DOCK3: variants seen among roughly 807,000 people sequenced by gnomAD.
DOCK3 encodes the protein dedicator of cytokinesis 3, also known as dedicator of cytokinesis protein 3.
Under a neutral mutation model 265.6 loss-of-function variants are expected in DOCK3, and 60 were observed. That is an observed-to-expected ratio of 0.23 (90% CI 0.18 to 0.28). DOCK3 has a LOEUF of 0.28. Among genes scored for constraint, DOCK3 ranks in the 10% least tolerant of loss-of-function variants. DOCK3 has a pLI of 1.00. For missense variants in DOCK3, 1,981 were observed against 2,594.3 expected (o/e 0.76, Z 5.14); for synonymous variants, 881 against 938.0 (o/e 0.94, Z 1.11).
chr3:50,910,384 C>G (rs938169041), intron 4 of DOCK3, among the ~76,000 whole-genome samples: 3 of 152,148 alleles, frequency 2.0e-5, no homozygotes, highest in African/African-American at 7.2e-5. Context: ...ACTGGTGACA[C>G]AATCATTCCT....
At chr3:50,800,001 T>C (rs2042991614) in intron 2 of DOCK3, among the ~76,000 whole-genome samples, 1 of 152,238 alleles carries the variant, frequency 6.6e-6, no homozygotes, top group Admixed American at 6.5e-5. Flanking sequence ...ATGATGTTTG[T>C]TTATTTGCAT....
chr3:51,296,719 G>A (rs554238229), intron 27 of DOCK3, among the ~76,000 whole-genome samples: 66 of 152,008 alleles, frequency 4.3e-4, no homozygotes, highest in Admixed American at 3.4e-3. Flanking sequence ...CTTGTGATCC[G>A]CCCGCCTTGG....
intron 51 of DOCK3, chr3:51,379,365 A>G (rs192576182): frequency 1.2e-5 from 12 of 983,554 alleles, no homozygotes; most frequent in East Asian, 1.1e-4. Flanking sequence ...CGTGGTGCAC[A>G]CTGGAGAAGC....
chr3:51,338,813 G>A, intron 36 of DOCK3, 122 bp from the exon 37 acceptor site: 1 of 783,690 alleles, frequency 1.3e-6, no homozygotes, highest in Non-Finnish European at 2.1e-6. Context: ...TTCTGGTGCT[G>A]TCTGCCTCCA....
In DOCK3 at chr3:51,225,649, G is replaced by C; in HGVS notation, c.1253G>C (p.Gly418Ala). The C allele has an allele frequency of 6.2e-7, 1 of 1,610,296 alleles. No homozygotes were observed. Among genetic ancestry groups the C allele is most frequent in the Non-Finnish European group, 8.5e-7 (1 of 1,178,350 alleles). Residue 418 changes from glycine (G) to alanine (A), a missense_variant and splice_region_variant, in exon 15 of 53, where the codon GGT becomes GCT. Gly to Ala is a moderately conservative substitution (Grantham distance 60, BLOSUM62 0). Around this residue, in one of 4 missense-constraint regions of DOCK3, gnomAD observed 456 missense variants for 539.0 expected, o/e 0.85. Transcript: ENST00000266037. ...KLGFPDVIMP[G>A]DIRNDLYLTL... ...GGATGTGGCATTTCTTTCCCCGCAG[G>C]TGATATCCGCAATGACCTGTACCTA...
intron 5 of DOCK3, among the ~76,000 whole-genome samples, chr3:51,040,606 T>C (rs2080444214): frequency 6.6e-6 from 1 of 152,134 alleles, no homozygotes; most frequent in Non-Finnish European, 1.5e-5. Context: ...AATTGACTGT[T>C]CCTTTCATGA....
At chr3:50,732,106 G>A (rs1012545367) in intron 1 of DOCK3, among the ~76,000 whole-genome samples, 1 of 151,274 alleles carries the variant, frequency 6.6e-6, no homozygotes, top group African/African-American at 2.4e-5. Context: ...CATGGATGAA[G>A]CTGGAAGCCA....
intron 2 of DOCK3, 52 bp downstream of exon 2, chr3:50,778,810 A>G: frequency 2.4e-6 from 3 of 1,267,982 alleles, no homozygotes; most frequent in Non-Finnish European, 3.3e-6. Context: ...TGGCAGTATT[A>G]TATACATTTA....
chr3:50,871,286 T>G (rs1174437989), intron 3 of DOCK3, among the ~76,000 whole-genome samples: 1 of 152,036 alleles, frequency 6.6e-6, no homozygotes, highest in East Asian at 1.9e-4. Context: ...GATACATTAT[T>G]CTTGGGTAAA....
intron 5 of DOCK3, among the ~76,000 whole-genome samples, chr3:50,983,751 G>T (rs889729733): frequency 1.3e-5 from 2 of 152,100 alleles, no homozygotes; most frequent in Non-Finnish European, 2.9e-5. Context: ...CCCAGGACCC[G>T]CCAAACTGGT....
chr3:51,183,454 G>A (rs2087415756), intron 12 of DOCK3, among the ~76,000 whole-genome samples: 2 of 152,080 alleles, frequency 1.3e-5, no homozygotes, highest in Admixed American at 1.3e-4. Context: ...AAGAGGAATA[G>A]TAAGAGGGAC....
At chr3:51,053,857 A>G (rs1413942992) in intron 5 of DOCK3, among the ~76,000 whole-genome samples, 1 of 151,830 alleles carries the variant, frequency 6.6e-6, no homozygotes, top group Non-Finnish European at 1.5e-5. Flanking sequence ...CTCCTTTTTA[A>G]TTTGCTTTAT....
chr3:51,099,362 T>C (rs546337503), intron 9 of DOCK3, among the ~76,000 whole-genome samples: 72 of 152,370 alleles, frequency 4.7e-4, no homozygotes, highest in African/African-American at 1.7e-3. Context: ...CATTATGTTC[T>C]GAGTCTAACT....
chr3:50,975,440 C>T (rs1457037208), intron 5 of DOCK3, among the ~76,000 whole-genome samples: 2 of 150,034 alleles, frequency 1.3e-5, no homozygotes, highest in Admixed American at 6.7e-5. Flanking sequence ...TGCTGGATTA[C>T]ATTTATTGAT....
chr3:51,172,838 A>G (rs561694326), intron 12 of DOCK3, among the ~76,000 whole-genome samples: 178 of 152,154 alleles, frequency 1.2e-3, no homozygotes, highest in Non-Finnish European at 2.1e-3. Flanking sequence ...TGTGCCTACT[A>G]TGAGGTTACA....
At chr3:51,097,637 G>T (rs772509538) in intron 9 of DOCK3, among the ~76,000 whole-genome samples, 1 of 152,200 alleles carries the variant, frequency 6.6e-6, no homozygotes, top group Non-Finnish European at 1.5e-5. Context: ...CCTCACTGGC[G>T]CTCCAGGCGC....
Position 51,310,258 on chromosome 3 carries a change from G to A in DOCK3, c.2949G>A (p.Val983=). 1.2e-6 allele frequency: 2 copies of A among 1,604,738 alleles called. No individual in the cohort carries two copies. Among genetic ancestry groups the A allele is most frequent in the Middle Eastern group, 3.3e-4 (2 of 6,044 alleles). Residue 983 remains valine, a synonymous_variant, in exon 28 of 53, where the codon GTG becomes GTA. Coordinates refer to ENST00000266037, the MANE Select transcript of DOCK3 (RefSeq NM_004947.5). The part of the protein sequence containing the change: ...LKEFLLKIFC[V]FRNLMKMSVF... ...AATTTCTGCTGAAGATTTTTTGCGT[G>A]TTCCGGAACCTGATGAAGATGAGTG... is the stretch of plus-strand genomic sequence containing the variant.
chr3:50,988,296 A>G (rs796383063), intron 5 of DOCK3, among the ~76,000 whole-genome samples: 1 of 152,138 alleles, frequency 6.6e-6, no homozygotes, highest in South Asian at 2.1e-4. Flanking sequence ...AGCAGGTCCC[A>G]GATCCCACTC....
intron 4 of DOCK3, among the ~76,000 whole-genome samples, chr3:50,926,294 G>A (rs1373185203): frequency 6.6e-6 from 1 of 152,162 alleles, no homozygotes; most frequent in Non-Finnish European, 1.5e-5. Flanking sequence ...TAGTTAAAGG[G>A]AGAATCAGTA....
Sources: allele counts gnomAD v4.1 joint callset (sites outside exome capture counted in the v4.1 genomes callset), GRCh38; gene constraint gnomAD v4.1.1; regional missense constraint gnomAD v4.1.1; transcripts MANE v1.5; gene names NCBI Gene and HGNC (gene_info 2026-07-23, HGNC 2026-07-21).